SLIT3: variants seen among roughly 807,000 people sequenced by gnomAD.
SLIT3 encodes slit homolog 3 protein.
A neutral mutation model predicts 184.0 loss-of-function variants in SLIT3; 68 were observed. The ratio of observed to expected loss-of-function variants is 0.37; its 90% CI spans 0.30 to 0.45. The LOEUF is 0.45. SLIT3 is among the 20% of genes least tolerant of loss of function. The probability of loss-of-function intolerance (pLI) is 1.00; values close to 1 mark genes in which losing one functional copy is unlikely to be tolerated. For missense variants in SLIT3, 1,707 were observed against 2,026.0 expected, an observed-to-expected ratio of 0.84 and a Z score of 3.02; for synonymous variants, 831 against 828.6, an observed-to-expected ratio of 1.00 and a Z score of -0.05.
intron 23 of SLIT3, among the ~76,000 whole-genome samples, chr5:168,716,585 G>A (rs1168553867): frequency 6.6e-6 from 1 of 152,288 alleles, no homozygotes; most frequent in African/African-American, 2.4e-5. Context: ...GCCTGAAAGT[G>A]TGCAGCTTGT....
chr5:168,778,672 T>C (rs1408105555), intron 12 of SLIT3, among the ~76,000 whole-genome samples: 9 of 152,358 alleles, frequency 5.9e-5, no homozygotes, highest in African/African-American at 9.6e-5. Context: ...GGAGCTGATA[T>C]GCCTGGCTCT....
chr5:168,875,481 A>G (rs1304622154), intron 5 of SLIT3, among the ~76,000 whole-genome samples: 1 of 152,052 alleles, frequency 6.6e-6, no homozygotes, highest in Non-Finnish European at 1.5e-5. Flanking sequence ...AAAATCCAAA[A>G]AAATTAGCCA....
chr5:168,804,034 C>T (rs549389886), intron 9 of SLIT3, among the ~76,000 whole-genome samples: 346 of 151,556 alleles, frequency 2.3e-3, no homozygotes, highest in African/African-American at 7.8e-3. Flanking sequence ...AGGGCGGGCA[C>T]GGTGGCTCAT....
rs1767659945 is a variant in SLIT3, at chr5:169,300,814, G to T, written c.-105C>A. 10 of 1,164,446 alleles carry T rather than the reference G, an allele frequency of 8.6e-6. No individual in the cohort carries two copies. The highest frequency in any genetic ancestry group is 1.1e-5 in the Non-Finnish European group (10 of 930,614). The allele number at this position is 1,164,446 out of a possible 1,614,324, so 72.1% of individuals were successfully genotyped here. On this transcript the variant is annotated 5_prime_UTR_variant, in exon 1 of 36. Coordinates refer to ENST00000519560, the MANE Select transcript of SLIT3 (RefSeq NM_003062.4). This position sits in a 1 kb window ranked among gnomAD's most constrained non-coding sequence, Gnocchi z 4.1. Reference sequence around the variant, plus strand: ...GCGGGCGGCCTGGGGAGCGGGCGGCGGAGTTAGCGCGGAGGAGGGGCGAGC... The same window carrying T: ...GCGGGCGGCCTGGGGAGCGGGCGGCTGAGTTAGCGCGGAGGAGGGGCGAGC...
At chr5:168,916,673 A>G (rs1398234480) in intron 4 of SLIT3, among the ~76,000 whole-genome samples, 6 of 152,248 alleles carry the variant, frequency 3.9e-5, no homozygotes, top group Admixed American at 3.9e-4. Flanking sequence ...TGGCAAAAAT[A>G]CAGTTAACCT....
At chr5:169,292,670 G>C (rs1054161452) in intron 1 of SLIT3, among the ~76,000 whole-genome samples, 6 of 152,192 alleles carry the variant, frequency 3.9e-5, no homozygotes, top group African/African-American at 1.4e-4. Flanking sequence ...AATTGCAGAG[G>C]AAATAAATAG....
chr5:169,219,827 C>A (rs902428873), intron 3 of SLIT3, among the ~76,000 whole-genome samples: 1 of 152,180 alleles, frequency 6.6e-6, no homozygotes, highest in Non-Finnish European at 1.5e-5. Flanking sequence ...AACAAAGGAA[C>A]ATGATCATAG....
chr5:168,666,851 T>TA (rs1449811877), intron 35 of SLIT3, 162 bp from the exon 36 acceptor site: 1 of 1,171,568 alleles, frequency 8.5e-7, no homozygotes, highest in African/African-American at 1.5e-5. Context: ...CCATCTATTT[T>TA]ACAAACAGGT....
At chr5:168,844,732 C>T in intron 5 of SLIT3, 77 bp from the exon 6 acceptor site, 1 of 1,361,314 alleles carries the variant, frequency 7.3e-7, no homozygotes. Context: ...CACCCGAGCG[C>T]CTGTCCCTCC....
intron 4 of SLIT3, among the ~76,000 whole-genome samples, chr5:169,062,129 A>C (rs1758191504): frequency 6.6e-6 from 1 of 152,158 alleles, no homozygotes; most frequent in Non-Finnish European, 1.5e-5. Context: ...GCTGGCAGTG[A>C]GCCGAGATCA....
At chr5:169,243,966 C>T (rs1325633920) in intron 3 of SLIT3, among the ~76,000 whole-genome samples, 1 of 152,236 alleles carries the variant, frequency 6.6e-6, no homozygotes, top group Non-Finnish European at 1.5e-5. Context: ...ATGTGATTAA[C>T]AGAAGAAAGG....
At chr5:168,671,162 G>A (rs747634375) in intron 34 of SLIT3, 36 bp downstream of exon 34, 9 of 1,586,566 alleles carry the variant, frequency 5.7e-6, no homozygotes, top group Non-Finnish European at 7.7e-6. Flanking sequence ...CATTCTGGGA[G>A]CTCGAGCACA....
chr5:168,680,465 T>A (rs1016725631), intron 32 of SLIT3, among the ~76,000 whole-genome samples: 17 of 152,246 alleles, frequency 1.1e-4, no homozygotes, highest in African/African-American at 3.9e-4. Flanking sequence ...GAACCCAGGC[T>A]GACATCCTCA....
At chr5:168,757,959 A>G (rs954824107) in intron 16 of SLIT3, among the ~76,000 whole-genome samples, 1 of 152,226 alleles carries the variant, frequency 6.6e-6, no homozygotes, top group Non-Finnish European at 1.5e-5. Flanking sequence ...CTGGTGTCAC[A>G]TAACTGGGAA....
At chr5:169,199,000 A>C (rs1160571459) in intron 3 of SLIT3, among the ~76,000 whole-genome samples, 1 of 149,890 alleles carries the variant, frequency 6.7e-6, no homozygotes, top group Non-Finnish European at 1.5e-5. Context: ...TTATATATAT[A>C]TATATAAATA....
intron 4 of SLIT3, among the ~76,000 whole-genome samples, chr5:168,966,017 G>A (rs1244778335): frequency 6.6e-6 from 1 of 152,176 alleles, no homozygotes; most frequent in Non-Finnish European, 1.5e-5. Flanking sequence ...CAAAGCTTAG[G>A]CAGTCATAAT....
chr5:168,683,934 C>T (rs375304984), intron 32 of SLIT3, 32 bp downstream of exon 32: 1 of 1,454,412 alleles, frequency 6.9e-7, no homozygotes, highest in African/African-American at 1.4e-5. Flanking sequence ...CGGAGGAACA[C>T]ACAGTGGGTC....
rs1242932828 is a variant in SLIT3, at chr5:169,300,378, G to A, written c.197+135C>T. 8.6e-7 allele frequency: 1 copy of A among 1,161,238 alleles called. No homozygotes were observed. The allele number at this position is 1,161,238 out of a possible 1,614,324, so 71.9% of individuals were successfully genotyped here. A position where few individuals can be genotyped will look rare whatever the true frequency, so the allele number is the denominator to read the frequency against. On this transcript the variant is annotated intron_variant, in intron 1 of 35. Coordinates refer to ENST00000519560, the MANE Select transcript of SLIT3 (RefSeq NM_003062.4). This position sits in a 1 kb window ranked among gnomAD's most constrained non-coding sequence, Gnocchi z 4.1. Reference sequence around the variant, plus strand: ...ACAGACCCCCAGCTCGGAGAGTGAGGGATCGTATCCAGGAAGGGATGAGAA... The same window carrying A: ...ACAGACCCCCAGCTCGGAGAGTGAGAGATCGTATCCAGGAAGGGATGAGAA...
At chr5:168,993,560 G>A (rs543739136) in intron 4 of SLIT3, among the ~76,000 whole-genome samples, 8 of 152,198 alleles carry the variant, frequency 5.3e-5, no homozygotes, top group African/African-American at 1.9e-4. Context: ...TGCTCTGAAG[G>A]CCCTTTTGTC....
Sources: gnomAD v4.1 joint callset for allele counts (sites outside exome capture counted in the v4.1 genomes callset) on GRCh38, gnomAD v4.1.1 for gene constraint, Gnocchi (gnomAD v3.1) non-coding constraint, MANE v1.5 for transcripts, NCBI Gene and HGNC (gene_info 2026-07-23, HGNC 2026-07-21) for gene names.